Variants in KHDRBS1 observed in about 807,000 individuals in gnomAD.
KHDRBS1 encodes the protein KH domain-containing, RNA-binding, signal transduction-associated protein 1.
KHDRBS1 carries 7 observed loss-of-function variants against 48.4 expected under a neutral mutation model. The ratio of observed to expected loss-of-function variants is 0.14; its 90% CI spans 0.08 to 0.27. KHDRBS1 has a LOEUF of 0.27. Ranked by LOEUF, KHDRBS1 falls within the 10% of genes least tolerant of loss-of-function variation. The pLI is 1.00. For missense variants in KHDRBS1, 458 were observed against 601.2 expected (o/e 0.76, Z 2.49); for synonymous variants, 241 against 235.8 (o/e 1.02, Z -0.20).
chr1:32,016,527 A>G (rs928660401), intron 1 of KHDRBS1, among the ~76,000 whole-genome samples: 8 of 152,160 alleles, frequency 5.3e-5, no homozygotes, highest in African/African-American at 1.4e-4. Flanking sequence ...AAAAAAAAGT[A>G]TATTTGAAAG....
intron 1 of KHDRBS1, among the ~76,000 whole-genome samples, chr1:32,019,635 C>G (rs1457134660): frequency 2.0e-5 from 3 of 152,142 alleles, no homozygotes; most frequent in Non-Finnish European, 4.4e-5. Context: ...TCTCCAAAAT[C>G]TAATGTTATA....
At chr1:32,020,739 C>T (rs1240871458) in intron 1 of KHDRBS1, among the ~76,000 whole-genome samples, 2 of 151,808 alleles carry the variant, frequency 1.3e-5, no homozygotes, top group Non-Finnish European at 2.9e-5. Flanking sequence ...ATTAATATAA[C>T]ATTCTTGAAG....
At chr1:32,027,907 G>A (rs1639006496) in intron 1 of KHDRBS1, among the ~76,000 whole-genome samples, 2 of 152,146 alleles carry the variant, frequency 1.3e-5, no homozygotes, top group African/African-American at 4.8e-5. Flanking sequence ...GAAGTCAGGA[G>A]TTCGAGACCA....
At position 32,057,212 on chromosome 1, in the gene KHDRBS1, G is replaced by A. The variant is rs139169774; in HGVS notation, n.1302-2951G>A. On this transcript the variant is annotated intron_variant and non_coding_transcript_variant, in intron 10 of 10. Transcript: ENST00000484270. ...ATTTTTATTTTTGAGACAGGGTCTT[G>A]TTCTGTCATCCAAGCTGGAGCACTT... 2.6e-5 allele frequency among the ~76,000 whole-genome samples: 4 copies of A among 152,254 alleles called. No individual in the cohort carries two copies. The East Asian group carries it at 7.7e-4, about 29-fold the overall frequency.
chr1:32,047,072 C>G (rs1264336684), downstream of KHDRBS1, among the ~76,000 whole-genome samples: 1 of 152,170 alleles, frequency 6.6e-6, no homozygotes, highest in East Asian at 1.9e-4. Context: ...GGACCTAGGC[C>G]TGCTGGTGTT....
At chr1:32,038,517 T>A in intron 6 of KHDRBS1, 35 bp from the exon 7 acceptor site, 1 of 1,602,244 alleles carries the variant, frequency 6.2e-7, no homozygotes, top group Non-Finnish European at 8.5e-7. Context: ...ATGATTTTGA[T>A]CTTTTATTTC....
rs1222307952 is a variant in KHDRBS1, at chr1:32,038,743, C to G, written c.1175+124C>G. On this transcript the variant is annotated intron_variant, in intron 7 of 8. Coordinates refer to ENST00000327300, the MANE Select transcript of KHDRBS1 (RefSeq NM_006559.3). Reference sequence around the variant, plus strand: ...ATGGTTCGCCTTTTGAGGGTATCTCCTCTGCAACCCCCACAGTCCTGACTG... The same window carrying G: ...ATGGTTCGCCTTTTGAGGGTATCTCGTCTGCAACCCCCACAGTCCTGACTG... The G allele has an allele frequency of 6.1e-6, 5 of 817,220 alleles. No individual in the cohort carries two copies. The Admixed American group carries it at 1.1e-4, about 17-fold the overall frequency. 50.6% of individuals were successfully genotyped at this position (817,220 alleles called of 1,614,324 possible). A position where few individuals can be genotyped will look rare whatever the true frequency, so the allele number is the denominator to read the frequency against.
At chr1:32,017,870 G>A (rs560099916) in intron 1 of KHDRBS1, among the ~76,000 whole-genome samples, 1 of 151,808 alleles carries the variant, frequency 6.6e-6, no homozygotes, top group South Asian at 2.1e-4. Context: ...GCCTCCCAAA[G>A]TGCTGGAATT....
intron 1 of KHDRBS1, among the ~76,000 whole-genome samples, chr1:32,024,306 AT>A (rs1054519652): frequency 7.9e-5 from 12 of 151,656 alleles, no homozygotes; most frequent in Non-Finnish European, 8.8e-5. Context: ...GTTTTCTAAA[AT>A]TTTTTATTAA....
chr1:32,024,252 C>CAA (rs905613921), intron 1 of KHDRBS1, among the ~76,000 whole-genome samples: 1 of 139,730 alleles, frequency 7.2e-6, no homozygotes, highest in African/African-American at 2.6e-5. Flanking sequence ...GACTTCGTTT[C>CAA]AAAAAAAAAA....
At chr1:32,014,654 C>G (rs557156984) in intron 1 of KHDRBS1, among the ~76,000 whole-genome samples, 27 of 152,374 alleles carry the variant, frequency 1.8e-4, no homozygotes, top group African/African-American at 5.5e-4. Context: ...TTTCCCGACT[C>G]TTCCCTCCTC....
At chr1:32,037,521 G>C (rs1286132275) in intron 5 of KHDRBS1, among the ~76,000 whole-genome samples, 1 of 151,306 alleles carries the variant, frequency 6.6e-6, no homozygotes, top group Non-Finnish European at 1.5e-5. Context: ...TGAAACTTTT[G>C]GTCTTCTAAT....
In KHDRBS1 at chr1:32,014,274, C is replaced by T. The variant is rs201069205; in HGVS notation, c.279C>T (p.Ala93=). 84 of 1,550,478 alleles carry T rather than the reference C, an allele frequency of 5.4e-5. No homozygotes were observed. In the East Asian group the frequency reaches 1.9e-3, roughly 36 times the overall value. ...PTPLLPPSAT[A]SVKMEPENKY... ...CGCTGCTGCCCCCCTCGGCCACAGC[C>T]TCGGTCAAGATGGAGCCAGAGAACA... Residue 93 remains alanine, a synonymous_variant, in exon 1 of 9, where the codon GCC becomes GCT. Transcript: ENST00000327300.
At chr1:32,047,151 A>G (rs1639367124), downstream of KHDRBS1, among the ~76,000 whole-genome samples, 1 of 151,896 alleles carries the variant, frequency 6.6e-6, no homozygotes, top group Non-Finnish European at 1.5e-5. Context: ...ATCACTCACT[A>G]CCTGTGAACT....
chr1:32,024,273 G>T (rs1320446376), intron 1 of KHDRBS1, among the ~76,000 whole-genome samples: 1 of 151,188 alleles, frequency 6.6e-6, no homozygotes, highest in Non-Finnish European at 1.5e-5. Context: ...AGTCAGAAAA[G>T]GCCTAAAGGC....
In KHDRBS1 at chr1:32,030,309, A is replaced by C. The variant is rs946325938; in HGVS notation, c.394A>C (p.Ile132Leu). 2 of 1,604,106 alleles carry C rather than the reference A, an allele frequency of 1.2e-6. No homozygotes were observed. Among genetic ancestry groups the C allele is most frequent in the African/African-American group, 2.7e-5 (2 of 74,502 alleles). ...TTTTTCCTATTCAGAAATTGAGAAG[A>C]TTCAGAAAGGAGACTCAAAAAAGGA... ...MQLLTAEIEK[I>L]QKGDSKKDDE... The change falls in exon 2 of 9, where the codon ATT (isoleucine) becomes CTT (leucine). Residue 132 changes from isoleucine (I) to leucine (L), a missense_variant. By Grantham distance (5) the Ile-to-Leu change is conservative (BLOSUM62 2). Transcript: ENST00000327300.
Position 32,033,324 on chromosome 1 carries a change from T to C in KHDRBS1, c.761T>C (p.Phe254Ser), listed in dbSNP as rs748624108. ...MAHAMEEVKK[F>S]LVPDMMDDIC... ...CATGCCATGGAGGAAGTCAAGAAAT[T>C]TCTAGTACCGGTAAGGAAATCCATA... The change falls in exon 4 of 9, where the codon TTT becomes TCT. Residue 254 changes from phenylalanine (F) to serine (S), a missense_variant. Phe to Ser is a radical substitution (Grantham distance 155). Coordinates refer to ENST00000327300, the MANE Select transcript of KHDRBS1 (RefSeq NM_006559.3). 6.2e-7 allele frequency: 1 copy of C among 1,614,082 alleles called. No individual in the cohort carries two copies. Among genetic ancestry groups the C allele is most frequent in the East Asian group, 2.2e-5 (1 of 44,876 alleles).
At chr1:32,040,356 C>T (rs998793596) in intron 8 of KHDRBS1, among the ~76,000 whole-genome samples, 1 of 151,518 alleles carries the variant, frequency 6.6e-6, no homozygotes, top group Non-Finnish European at 1.5e-5. Flanking sequence ...GCGGAGGTTG[C>T]AACGAGCTGA....
intron 6 of KHDRBS1, 32 bp from the exon 7 acceptor site, chr1:32,038,520 T>C: frequency 6.2e-7 from 1 of 1,607,300 alleles, no homozygotes; most frequent in Non-Finnish European, 8.5e-7. Flanking sequence ...ATTTTGATCT[T>C]TTATTTCATT....
Sources: allele counts gnomAD v4.1 joint callset (sites outside exome capture counted in the v4.1 genomes callset), GRCh38; gene constraint gnomAD v4.1.1; transcripts MANE v1.5; gene names NCBI Gene and HGNC (gene_info 2026-07-23, HGNC 2026-07-21).